The following UEVLD variants were observed in gnomAD, a reference collection of about 807,000 sequenced individuals.
UEVLD encodes ubiquitin-conjugating enzyme E2 variant 3.
UEVLD carries 47 observed loss-of-function variants against 58.6 expected under a neutral mutation model. The observed-to-expected ratio is 0.80, with a 90% confidence interval of 0.63 to 1.02. UEVLD has a LOEUF of 1.02. Among genes scored for constraint, UEVLD ranks in the 50% least tolerant of loss-of-function variants. The probability of loss-of-function intolerance (pLI) is 0.00; values close to 1 mark genes in which losing one functional copy is unlikely to be tolerated. For synonymous variants in UEVLD, 197 were observed against 195.3 expected, an observed-to-expected ratio of 1.01 and a Z score of -0.07; for missense variants, 510 against 550.6, an observed-to-expected ratio of 0.93 and a Z score of 0.74.
Position 18,570,891 on chromosome 11 carries a change from T to C in UEVLD, c.194-514A>G, listed in dbSNP as rs564215269. ...TCCTATTAGATCACTGGTATAACAT[T>C]TGAGTAAGTTTAATTAAAACAATGG... On this transcript the variant is annotated intron_variant, in intron 3 of 11. Transcript: ENST00000396197. Among the ~76,000 whole-genome samples the C allele has an allele frequency of 8.6e-5, 13 of 151,804 alleles. No homozygotes were observed. The East Asian group carries it at 9.7e-4, about 11-fold the overall frequency.
chr11:18,587,688 G>C (rs1401369705), intron 1 of UEVLD: 1 of 152,214 alleles, frequency 6.6e-6, no homozygotes, highest in Admixed American at 6.6e-5. Context: ...TGTAGTCCCA[G>C]CTACTTGGGA....
In UEVLD at chr11:18,564,533, TAA is replaced by T. The variant is rs558868298; in HGVS notation, c.612+357_612+358del. 7.8e-3 allele frequency among the ~76,000 whole-genome samples: 1,106 copies of T among 142,460 alleles called. 14 individuals carry two copies. Among genetic ancestry groups the T allele is most frequent in the African/African-American group, 0.027 (1,054 of 39,076 alleles). 93.5% of individuals were successfully genotyped at this position (142,460 alleles called of 152,430 possible). A position where few individuals can be genotyped will look rare whatever the true frequency, so the allele number is the denominator to read the frequency against. On this transcript the variant is annotated intron_variant, in intron 6 of 11. Coordinates refer to ENST00000396197, the MANE Select transcript of UEVLD (RefSeq NM_001040697.4). ...TAATTATGTAAGAAAAGGCCATCTT[TAA>T]AAAAAAAAAAGCCAATTTTAGAAAG... is the stretch of plus-strand genomic sequence containing the variant.
intron 6 of UEVLD, among the ~76,000 whole-genome samples, chr11:18,560,132 CACACACAGAGAGAG>C (rs1314101090): frequency 3.1e-4 from 27 of 86,950 alleles, no homozygotes; most frequent in African/African-American, 1.3e-3. Context: ...CACACACACA[CACACACAGAGAGAG>C]AAAGAAAATA....
rs79829182 is a variant in UEVLD, at chr11:18,569,266, C to T, written c.357+948G>A. Among the ~76,000 whole-genome samples the T allele has an allele frequency of 8.8e-3, 1,343 of 152,262 alleles. 10 individuals are homozygous for T. Among genetic ancestry groups the T allele is most frequent in the Non-Finnish European group, 0.014 (963 of 68,008 alleles). ...TTTACAAAAATGAGAGAATACTATACATCTGTCTAAACCAATGTATAGAAG... is the reference window on the plus strand; with the variant it reads ...TTTACAAAAATGAGAGAATACTATATATCTGTCTAAACCAATGTATAGAAG... On this transcript the variant is annotated intron_variant, in intron 4 of 11. Coordinates refer to ENST00000396197, the MANE Select transcript of UEVLD (RefSeq NM_001040697.4).
intron 10 of UEVLD, among the ~76,000 whole-genome samples, chr11:18,535,964 G>A (rs972862419): frequency 8.5e-5 from 13 of 152,272 alleles, no homozygotes; most frequent in African/African-American, 2.9e-4. Flanking sequence ...GTGAAACCCC[G>A]TCTCTACTAA....
At chr11:18,538,280 CTTT>C (rs757843063) in intron 9 of UEVLD, among the ~76,000 whole-genome samples, 3 of 140,990 alleles carry the variant, frequency 2.1e-5, no homozygotes, top group Non-Finnish European at 3.1e-5. Context: ...TGCACATATT[CTTT>C]TTTTTTTTTT....
At chr11:18,536,316 GC>G in intron 10 of UEVLD, 89 bp downstream of exon 10, 1 of 1,227,706 alleles carries the variant, frequency 8.1e-7, no homozygotes, top group Non-Finnish European at 1.2e-6. Context: ...GTTTCCAGAA[GC>G]CTGGTTAAGT....
In UEVLD at chr11:18,536,471, T is replaced by C. The variant is rs763680174; in HGVS notation, c.1061-2A>G. ...CTTCTTGGCCACTCCATGTGAGCAC[T>C]AAAATTAGATGAAGAATTAATTATG... On this transcript the variant is annotated splice_acceptor_variant, in intron 9 of 11. Transcript: ENST00000396197. LOFTEE classifies it high-confidence loss of function. 6 of 1,612,412 alleles carry C rather than the reference T, an allele frequency of 3.7e-6. No individual in the cohort carries two copies. In the East Asian group the frequency reaches 1.1e-4, roughly 30 times the overall value.
chr11:18,572,804 CA>C (rs11394988), intron 3 of UEVLD, among the ~76,000 whole-genome samples: 169 of 103,058 alleles, frequency 1.6e-3, no homozygotes, highest in Admixed American at 2.7e-3. Context: ...AACTCCATCT[CA>C]AAAAAAAAAA....
Position 18,588,637 on chromosome 11 carries a change from C to T in UEVLD, c.18G>A (p.Glu6=). The T allele has an allele frequency of 1.2e-6, 2 of 1,610,198 alleles. No homozygotes were observed. The highest frequency in any genetic ancestry group is 1.7e-6 in the Non-Finnish European group (2 of 1,179,860). The change falls in exon 1 of 12, where the codon GAG becomes GAA. Residue 6 remains glutamate (E), a synonymous_variant. Transcript: ENST00000396197. MEFDC[E]GLRRLLGKYK... is the part of the protein sequence containing the mutation. ...CCTTGCCAAGCAGCCGTCTCAGGCC[C>T]TCGCAGTCGAACTCCATCTCCAGGC...
At chr11:18,579,864 T>G (rs1253675700) in intron 1 of UEVLD, among the ~76,000 whole-genome samples, 3 of 152,138 alleles carry the variant, frequency 2.0e-5, no homozygotes, top group African/African-American at 7.2e-5. Context: ...AGGAATAAAT[T>G]TAACAAGGTA....
At chr11:18,552,496 G>A (rs1408780268) in intron 7 of UEVLD, among the ~76,000 whole-genome samples, 3 of 151,786 alleles carry the variant, frequency 2.0e-5, no homozygotes, top group Non-Finnish European at 4.4e-5. Context: ...GCAGTGAGCC[G>A]AGATGGCACC....
intron 7 of UEVLD, 28 bp downstream of exon 7, chr11:18,558,200 C>T (rs1215593439): frequency 1.3e-6 from 2 of 1,524,022 alleles, no homozygotes; most frequent in African/African-American, 1.4e-5. Flanking sequence ...TCTAATAAGG[C>T]ATACATCTTT....
At chr11:18,567,150 C>T (rs1186702655) in intron 4 of UEVLD, among the ~76,000 whole-genome samples, 3 of 152,236 alleles carry the variant, frequency 2.0e-5, no homozygotes, top group East Asian at 3.9e-4. Context: ...TCCTTTTAAC[C>T]GTTATCAAAT....
Position 18,578,794 on chromosome 11 carries a change from G to T in UEVLD, c.57C>A (p.Asp19Glu). ...RRLLGKYKFR[D>E]LTVEELRNVN... ...CATTCCTTAGTTCTTCCACAGTTAG[G>T]TCCCTGAACTTGTACTGAAAAGAGA... Residue 19 changes from aspartate to glutamate, a missense_variant, in exon 2 of 12, where the codon GAC becomes GAA. Asp to Glu is a conservative substitution (Grantham distance 45, BLOSUM62 2). Coordinates refer to ENST00000396197, the MANE Select transcript of UEVLD (RefSeq NM_001040697.4). 1 of 1,603,448 alleles carries T rather than the reference G, an allele frequency of 6.2e-7. No individual in the cohort carries two copies. Among genetic ancestry groups the T allele is most frequent in the Non-Finnish European group, 8.5e-7 (1 of 1,175,640 alleles).
rs947494007 is a variant in UEVLD at position 18,579,502 on chromosome 11, G to C, written c.43-694C>G. The C allele has an allele frequency of 6.2e-5, 61 of 985,258 alleles. No individual in the cohort carries two copies. In the African/African-American group the frequency reaches 1.0e-3, roughly 17 times the overall value. The allele number at this position is 985,258 out of a possible 1,614,324, so 61.0% of individuals were successfully genotyped here. The stretch of plus-strand genomic sequence containing the variant: ...TATGCAGGATCCAACCGTCTTTTTG[G>C]CACGGCTCATTCACTTGAGATACCT... On this transcript the variant is annotated intron_variant, in intron 1 of 11. Coordinates refer to ENST00000396197, the MANE Select transcript of UEVLD (RefSeq NM_001040697.4).
chr11:18,564,843 G>C (rs1451827582), intron 6 of UEVLD, 49 bp downstream of exon 6: 2 of 1,383,286 alleles, frequency 1.4e-6, no homozygotes, highest in African/African-American at 1.4e-5. Context: ...AACCTGCCTA[G>C]AAGTGTGGCA....
Position 18,532,370 on chromosome 11 carries a change from G to A in UEVLD, c.1366C>T (p.Gln456Ter), listed in dbSNP as rs768472705. Residue 456 changes from glutamine (Q) to a stop codon, truncating the protein, a stop_gained, in exon 12 of 12, where the codon CAA (glutamine) becomes TAA (stop). Coordinates refer to ENST00000396197, the MANE Select transcript of UEVLD (RefSeq NM_001040697.4). LOFTEE classifies it high-confidence loss of function. ...CTGTGGATTGAGGATGCACTGCTTTGGAGTTTCTCAGTAACTGTATCTTCT... is the reference window on the plus strand; with the variant it reads ...CTGTGGATTGAGGATGCACTGCTTTAGAGTTTCTCAGTAACTGTATCTTCT... ...LKEDTVTEKL[Q>*]SSASSIHSLQ... is the part of the protein sequence containing the mutation. 6.2e-7 allele frequency: 1 copy of A among 1,613,446 alleles called. No homozygotes were observed.
chr11:18,577,668 G>A (rs1392199986), intron 2 of UEVLD, among the ~76,000 whole-genome samples: 1 of 152,064 alleles, frequency 6.6e-6, no homozygotes, highest in South Asian at 2.1e-4. Flanking sequence ...TCAGGAGTTC[G>A]AGACCAGACT....
Sources: allele counts gnomAD v4.1 joint callset (sites outside exome capture counted in the v4.1 genomes callset), GRCh38; gene constraint gnomAD v4.1.1; transcripts MANE v1.5; gene names NCBI Gene and HGNC (gene_info 2026-07-23, HGNC 2026-07-21).